Variants in VRK2 observed in about 807,000 individuals in gnomAD.
VRK2 encodes the protein serine/threonine-protein kinase VRK2.
VRK2 carries 60 observed loss-of-function variants against 57.6 expected under a neutral mutation model. The ratio of observed to expected loss-of-function variants is 1.04; its 90% CI spans 0.85 to 1.29. The LOEUF (loss-of-function observed/expected upper bound fraction) is 1.29, where lower values mean the gene tolerates loss of function less well. VRK2 is among the 50% of genes most tolerant of loss of function. VRK2 has a pLI of 0.00. For synonymous variants in VRK2, 231 were observed against 199.2 expected, an observed-to-expected ratio of 1.16 and a Z score of -1.35; for missense variants, 705 against 588.1, an observed-to-expected ratio of 1.20 and a Z score of -2.06.
At chr2:58,146,901 G>C (rs1173987698) in intron 12 of VRK2, among the ~76,000 whole-genome samples, 1 of 151,942 alleles carries the variant, frequency 6.6e-6, no homozygotes, top group Non-Finnish European at 1.5e-5. Context: ...TGGGCGGAGA[G>C]TGACTCACCT....
At chr2:58,152,493 T>G (rs148525843) in intron 12 of VRK2, among the ~76,000 whole-genome samples, 1 of 152,064 alleles carries the variant, frequency 6.6e-6, no homozygotes, top group African/African-American at 2.4e-5. Context: ...TTAAAAAAAT[T>G]AAGAAAGGAA....
chr2:58,061,677 G>T (rs2103898288), intron 2 of VRK2, among the ~76,000 whole-genome samples: 1 of 152,076 alleles, frequency 6.6e-6, no homozygotes, highest in Non-Finnish European at 1.5e-5. Context: ...AGGGTAAAAG[G>T]TTAGTAGAAC....
At chr2:57,921,259 G>A (rs1418919187) in intron 1 of VRK2, among the ~76,000 whole-genome samples, 1 of 150,988 alleles carries the variant, frequency 6.6e-6, no homozygotes, top group African/African-American at 2.4e-5. Context: ...CATTTTAAAA[G>A]TACCTGCCCA....
At chr2:57,913,336 G>A (rs72808434) in intron 1 of VRK2, among the ~76,000 whole-genome samples, 15,160 of 152,186 alleles carry the variant, frequency 0.1, 796 homozygotes, top group East Asian at 0.17. Context: ...TTAAATGACT[G>A]TCTATAAAAG....
At chr2:58,113,516 C>T (rs1287947856) in intron 7 of VRK2, among the ~76,000 whole-genome samples, 2 of 151,908 alleles carry the variant, frequency 1.3e-5, no homozygotes, top group Non-Finnish European at 2.9e-5. Context: ...TGCAGGTGGG[C>T]TGAGTCCAAA....
At chr2:58,112,327 A>G (rs1272345593) in intron 7 of VRK2, among the ~76,000 whole-genome samples, 1 of 152,214 alleles carries the variant, frequency 6.6e-6, no homozygotes, top group Non-Finnish European at 1.5e-5. Flanking sequence ...CCCAGTGATT[A>G]TTAGATAATA....
intron 9 of VRK2, chr2:58,132,143 C>T (rs963956800): frequency 1.9e-6 from 1 of 526,922 alleles, no homozygotes; most frequent in African/African-American, 1.9e-5. Flanking sequence ...AATTACAGTG[C>T]AAAATATAAA....
At chr2:58,149,688 C>T (rs371297052) in intron 12 of VRK2, among the ~76,000 whole-genome samples, 1 of 151,556 alleles carries the variant, frequency 6.6e-6, no homozygotes, top group African/African-American at 2.4e-5. Context: ...TGCCCTTTAT[C>T]AGGCTGAGGA....
intron 1 of VRK2, among the ~76,000 whole-genome samples, chr2:58,001,844 G>A (rs1437364179): frequency 6.6e-6 from 1 of 151,778 alleles, no homozygotes; most frequent in Non-Finnish European, 1.5e-5. Context: ...AATAGTAGTA[G>A]TAATAATAAT....
At chr2:58,153,409 G>A (rs1434143662) in intron 12 of VRK2, among the ~76,000 whole-genome samples, 1 of 151,958 alleles carries the variant, frequency 6.6e-6, no homozygotes, top group African/African-American at 2.4e-5. Context: ...TGTACTAAGA[G>A]TTTTCATCAT....
intron 7 of VRK2, among the ~76,000 whole-genome samples, chr2:58,118,390 G>C (rs1676863871): frequency 2.0e-5 from 3 of 152,188 alleles, no homozygotes; most frequent in Admixed American, 2.0e-4. Flanking sequence ...CCGGAGTTTT[G>C]GGTCCATGGA....
At chr2:58,136,569 G>C (rs555480943) in intron 10 of VRK2, among the ~76,000 whole-genome samples, 344 of 151,586 alleles carry the variant, frequency 2.3e-3, no homozygotes, top group African/African-American at 8.0e-3. Context: ...ATTTTTAGTA[G>C]AGACAGGGTT....
intron 5 of VRK2, among the ~76,000 whole-genome samples, 195 bp from the exon 6 acceptor site, chr2:58,088,146 C>T (rs1300588649): frequency 1.3e-5 from 2 of 152,196 alleles, no homozygotes; most frequent in Non-Finnish European, 2.9e-5. Context: ...TATAGAAAAT[C>T]AGCTGCAAAG....
chr2:57,970,270 T>C (rs1247749604), intron 1 of VRK2, among the ~76,000 whole-genome samples: 1 of 150,720 alleles, frequency 6.6e-6, no homozygotes, highest in Non-Finnish European at 1.5e-5. Context: ...ATGAGACTAT[T>C]GTATGTTTTC....
intron 1 of VRK2, among the ~76,000 whole-genome samples, chr2:58,018,450 T>G (rs940179409): frequency 6.6e-6 from 1 of 152,242 alleles, no homozygotes; most frequent in Admixed American, 6.5e-5. Flanking sequence ...ATTTTAAAAC[T>G]AAAATTCCAT....
chr2:58,100,362 G>C (rs1020798250), intron 7 of VRK2, among the ~76,000 whole-genome samples: 1 of 151,772 alleles, frequency 6.6e-6, no homozygotes, highest in South Asian at 2.1e-4. Context: ...TTTACTTACT[G>C]TAATATCTGT....
At chr2:57,944,082 C>CA (rs78411160) in intron 1 of VRK2, among the ~76,000 whole-genome samples, 7,085 of 152,110 alleles carry the variant, frequency 0.047, 293 homozygotes, top group Admixed American at 0.13. Context: ...AGAACAACAA[C>CA]AAAAAAAAAC....
intron 1 of VRK2, among the ~76,000 whole-genome samples, chr2:57,911,438 G>A (rs1302372926): frequency 1.3e-5 from 2 of 152,172 alleles, no homozygotes; most frequent in Non-Finnish European, 2.9e-5. Flanking sequence ...CACAGACAGT[G>A]CTGATGCGTT....
At chr2:57,954,969 C>A (rs1028594571) in intron 1 of VRK2, among the ~76,000 whole-genome samples, 2 of 152,018 alleles carry the variant, frequency 1.3e-5, no homozygotes, top group Non-Finnish European at 2.9e-5. Flanking sequence ...ATATTTTCCC[C>A]CAATTAAGTA....
Sources: allele counts gnomAD v4.1 joint callset (sites outside exome capture counted in the v4.1 genomes callset), GRCh38; gene constraint gnomAD v4.1.1; transcripts MANE v1.5; gene names NCBI Gene and HGNC (gene_info 2026-07-23, HGNC 2026-07-21).